The following CBFA2T3 variants were observed in gnomAD, a reference collection of about 807,000 sequenced individuals.
CBFA2T3 encodes transcriptional corepressor CBFA2T3.
A neutral mutation model predicts 58.6 loss-of-function variants in CBFA2T3; 31 were observed. That is an observed-to-expected ratio of 0.53 (90% confidence interval 0.40 to 0.71). CBFA2T3 has a LOEUF of 0.71. CBFA2T3 is among the 30% of genes least tolerant of loss of function. The pLI, the probability that CBFA2T3 is intolerant of heterozygous loss-of-function variation, is 0.00. For synonymous variants in CBFA2T3, 531 were observed against 421.9 expected, an observed-to-expected ratio of 1.26 and a Z score of -3.17; for missense variants, 1,076 against 963.1, an observed-to-expected ratio of 1.12 and a Z score of -1.55.
At chr16:88,892,525 G>A in intron 3 of CBFA2T3, 40 bp from the exon 4 acceptor site, 2 of 1,606,998 alleles carry the variant, frequency 1.2e-6, no homozygotes, top group Non-Finnish European at 1.7e-6. Flanking sequence ...AAAGGTGATG[G>A]TGACAACACA....
intron 4 of CBFA2T3, 82 bp from the exon 5 acceptor site, chr16:88,892,053 C>T (rs1969654110): frequency 7.1e-7 from 1 of 1,406,226 alleles, no homozygotes; most frequent in East Asian, 2.3e-5. Flanking sequence ...GAGGAGGAGG[C>T]TTCCGTGTTG....
rs189079392 is a variant in CBFA2T3, at chr16:88,888,915, G to A, written c.712-2773C>T. The stretch of plus-strand genomic sequence containing the variant: ...GGTGGACACGGCCCTCACGAGAGCC[G>A]GGCCGCGGGCGGCACCTGCTGGGGC... On this transcript the variant is annotated intron_variant, in intron 5 of 11. Transcript: ENST00000268679. Among the ~76,000 whole-genome samples the A allele has an allele frequency of 3.6e-3, 551 of 151,896 alleles. 1 individual carries two copies. The highest frequency in any genetic ancestry group is 7.6e-3 in the Admixed American group (116 of 15,284).
intron 1 of CBFA2T3, among the ~76,000 whole-genome samples, chr16:88,912,178 C>T (rs567221209): frequency 6.6e-6 from 1 of 152,268 alleles, no homozygotes; most frequent in East Asian, 1.9e-4. Flanking sequence ...TGGCTCCAGG[C>T]GGACCTGGCC....
In CBFA2T3 at chr16:88,971,117, C is replaced by CT. The variant is rs200158469; in HGVS notation, c.151+5539dup. Among the ~76,000 whole-genome samples, 862 of 151,130 alleles carry CT rather than the reference C, an allele frequency of 5.7e-3. 19 individuals are homozygous for CT. The South Asian group carries it at 0.063, about 11-fold the overall frequency. ...ACGTGTTTTCATCAACTCAATTTTC[C>CT]TTTTTTTTTAAAGACACGGTCTCCC... is the stretch of plus-strand genomic sequence containing the variant. On this transcript the variant is annotated intron_variant, in intron 1 of 11. Transcript: ENST00000268679.
In CBFA2T3 at chr16:88,940,976, C is replaced by A. The variant is rs1051842635; in HGVS notation, c.151+35681G>T. On this transcript the variant is annotated intron_variant, in intron 1 of 11. Transcript: ENST00000268679. ...CGGGAACGGCAGCCGCGGGCGGAGT[C>A]GGGGTAGAGCGGCGGCGGCGCGCGG... 7.7e-6 allele frequency: 7 copies of A among 914,834 alleles called. No individual in the cohort carries two copies. In the South Asian group the frequency reaches 2.0e-4, roughly 26 times the overall value. 56.7% of individuals were successfully genotyped at this position (914,834 alleles called of 1,614,324 possible).
In CBFA2T3 at chr16:88,958,672, C is replaced by A. The variant is rs1972290995; in HGVS notation, c.151+17985G>T. ...AGCACTACCTTTGGAGGGAGACAAACTCGCTCCCCCAGGGCCGGGGGCTGG... is the reference window on the plus strand; with the variant it reads ...AGCACTACCTTTGGAGGGAGACAAAATCGCTCCCCCAGGGCCGGGGGCTGG... On this transcript the variant is annotated intron_variant, in intron 1 of 11. Coordinates refer to ENST00000268679, the MANE Select transcript of CBFA2T3 (RefSeq NM_005187.6). This position sits in a 1 kb window ranked among gnomAD's most constrained non-coding sequence, Gnocchi z 4.0. Among the ~76,000 whole-genome samples, 1 of 152,106 alleles carries A rather than the reference C, an allele frequency of 6.6e-6. No individual in the cohort carries two copies. The highest frequency in any genetic ancestry group is 1.5e-5 in the Non-Finnish European group (1 of 68,002).
intron 8 of CBFA2T3, among the ~76,000 whole-genome samples, chr16:88,882,362 G>A (rs1969124183): frequency 1.3e-5 from 2 of 152,006 alleles, no homozygotes; most frequent in South Asian, 2.1e-4. Context: ...GTGTGGCTGT[G>A]TACATGGGGG....
intron 5 of CBFA2T3, among the ~76,000 whole-genome samples, chr16:88,887,639 G>A (rs925203347): frequency 6.6e-6 from 1 of 152,216 alleles, no homozygotes; most frequent in Non-Finnish European, 1.5e-5. Context: ...GTTTCCTCAA[G>A]GCCTGCGGAA....
chr16:88,937,892 G>C (rs746403637), intron 1 of CBFA2T3: 1 of 152,212 alleles, frequency 6.6e-6, no homozygotes, highest in Non-Finnish European at 1.5e-5. Flanking sequence ...CAGGGGCCTG[G>C]GGCCAGCCTG....
chr16:88,932,020 C>T (rs1337710306), intron 1 of CBFA2T3, among the ~76,000 whole-genome samples: 2 of 152,108 alleles, frequency 1.3e-5, no homozygotes, highest in African/African-American at 2.4e-5. Flanking sequence ...CCGTGGTACC[C>T]CACACGCATG....
intron 1 of CBFA2T3, among the ~76,000 whole-genome samples, chr16:88,927,983 C>T (rs1597739086): frequency 2.0e-5 from 3 of 152,216 alleles, no homozygotes; most frequent in South Asian, 2.1e-4. Context: ...GAGGGCCTCA[C>T]GGAGGCCTCT....
chr16:88,885,612 A>C lies in CBFA2T3; in HGVS notation c.894-343T>G. On this transcript the variant is annotated intron_variant, in intron 6 of 11. Transcript: ENST00000268679. This position sits in a 1 kb window ranked among gnomAD's most constrained non-coding sequence, Gnocchi z 5.3. ...CCTGCCCCTTGGGCAGCAGCAGCAC[A>C]AGAGCGTCTGGGGCAGCAGAGGGGG... The C allele has an allele frequency of 4.8e-6, 2 of 414,500 alleles. No individual in the cohort carries two copies. Among genetic ancestry groups the C allele is most frequent in the East Asian group, 8.5e-5 (2 of 23,402 alleles). The allele number at this position is 414,500 out of a possible 1,614,324, so 25.7% of individuals were successfully genotyped here.
At chr16:88,901,834 C>A (rs1343490688) in intron 1 of CBFA2T3, among the ~76,000 whole-genome samples, 178 bp from the exon 2 acceptor site, 1 of 152,164 alleles carries the variant, frequency 6.6e-6, no homozygotes, top group Admixed American at 6.5e-5. Context: ...GGGGGCAGAA[C>A]CAGGCCGGAG....
At chr16:88,917,738 G>C (rs566307435) in intron 1 of CBFA2T3, among the ~76,000 whole-genome samples, 1 of 152,194 alleles carries the variant, frequency 6.6e-6, no homozygotes, top group East Asian at 1.9e-4. Flanking sequence ...GTGCCAGAAT[G>C]TTCCCCCAGC....
intron 1 of CBFA2T3, among the ~76,000 whole-genome samples, chr16:88,964,652 C>A (rs780156306): frequency 6.6e-6 from 1 of 152,204 alleles, no homozygotes; most frequent in Non-Finnish European, 1.5e-5. Flanking sequence ...TGTATAAGAA[C>A]TATGTTTTTA....
chr16:88,907,628 C>T (rs1181856193), intron 1 of CBFA2T3, among the ~76,000 whole-genome samples: 2 of 151,978 alleles, frequency 1.3e-5, no homozygotes, highest in Non-Finnish European at 2.9e-5. Context: ...TGACCTGGCC[C>T]AGCTACCCCT....
intron 1 of CBFA2T3, among the ~76,000 whole-genome samples, chr16:88,917,504 C>A (rs1457226003): frequency 6.6e-6 from 1 of 152,226 alleles, no homozygotes; most frequent in Non-Finnish European, 1.5e-5. Context: ...CCTGAGGCCT[C>A]TGTTAGGATT....
At position 88,885,119 on chromosome 16, in the gene CBFA2T3, G is replaced by A. The variant is rs751095715; in HGVS notation, c.1044C>T (p.Ala348=). ...AGGCATCTCGGAAGTGGTGGGCCAT[G>A]GCTATGTCCTCCAGGCGGTAGTGCG... is the stretch of plus-strand genomic sequence containing the variant. ...PPPHYRLEDI[A]MAHHFRDAYR... The change falls in exon 7 of 12, where the codon GCC becomes GCT. Residue 348 remains alanine, a synonymous_variant. Coordinates refer to ENST00000268679, the MANE Select transcript of CBFA2T3 (RefSeq NM_005187.6). The surrounding 1 kb of genome is among the most constrained non-coding windows in gnomAD (Gnocchi z 5.3). 1.2e-5 allele frequency: 19 copies of A among 1,602,596 alleles called. No individual in the cohort carries two copies. The highest frequency in any genetic ancestry group is 1.6e-4 in the Middle Eastern group (1 of 6,066).
At chr16:88,911,761 G>A (rs529111868) in intron 1 of CBFA2T3, among the ~76,000 whole-genome samples, 7 of 152,396 alleles carry the variant, frequency 4.6e-5, no homozygotes, top group African/African-American at 1.7e-4. Context: ...GCCGCGTGGA[G>A]CTGGTGCAGG....
Sources: gnomAD v4.1 joint callset for allele counts (sites outside exome capture counted in the v4.1 genomes callset) on GRCh38, gnomAD v4.1.1 for gene constraint, Gnocchi (gnomAD v3.1) non-coding constraint, MANE v1.5 for transcripts, NCBI Gene and HGNC (gene_info 2026-07-23, HGNC 2026-07-21) for gene names.